The following CYP7B1 variants were observed in gnomAD, a reference collection of about 807,000 sequenced individuals.
CYP7B1 encodes cytochrome P450 7B1.
A neutral mutation model predicts 42.7 loss-of-function variants in CYP7B1; 29 were observed. That is an observed-to-expected ratio of 0.68 (90% CI 0.51 to 0.93). The LOEUF is 0.93. Ranked by LOEUF, CYP7B1 falls within the 40% of genes least tolerant of loss-of-function variation. The probability of loss-of-function intolerance (pLI) is 0.00; values close to 1 mark genes in which losing one functional copy is unlikely to be tolerated. For missense variants in CYP7B1, 655 were observed against 600.5 expected (o/e 1.09, Z -0.95); for synonymous variants, 235 against 218.2 (o/e 1.08, Z -0.68).
intron 1 of CYP7B1, among the ~76,000 whole-genome samples, chr8:64,772,667 T>C (rs1199312839): frequency 6.6e-6 from 1 of 152,202 alleles, no homozygotes; most frequent in African/African-American, 2.4e-5. Context: ...GTGTCTGGCT[T>C]CTACCCTGTC....
At chr8:64,795,970 T>C (rs566655505) in intron 1 of CYP7B1, among the ~76,000 whole-genome samples, 1 of 152,228 alleles carries the variant, frequency 6.6e-6, no homozygotes, top group Non-Finnish European at 1.5e-5. Context: ...TTGTTAAAAA[T>C]TTTTTTACCA....
At chr8:64,743,102 C>T (rs1807593370) in intron 1 of CYP7B1, among the ~76,000 whole-genome samples, 1 of 152,028 alleles carries the variant, frequency 6.6e-6, no homozygotes, top group African/African-American at 2.4e-5. Flanking sequence ...ATTTTGCCTT[C>T]CTAAGATCAG....
At chr8:64,683,594 G>T (rs1806572933) in intron 1 of CYP7B1, among the ~76,000 whole-genome samples, 1 of 152,100 alleles carries the variant, frequency 6.6e-6, no homozygotes, top group African/African-American at 2.4e-5. Context: ...GAGTGTAATT[G>T]GATTGCTTGT....
chr8:64,739,407 A>G (rs900458644), intron 1 of CYP7B1, among the ~76,000 whole-genome samples: 1 of 152,220 alleles, frequency 6.6e-6, no homozygotes, highest in Non-Finnish European at 1.5e-5. Context: ...ACAAAAGTGG[A>G]GACAAAAACG....
At chr8:64,613,876 G>C (rs970553462) in intron 4 of CYP7B1, among the ~76,000 whole-genome samples, 1 of 152,130 alleles carries the variant, frequency 6.6e-6, no homozygotes, top group African/African-American at 2.4e-5. Context: ...TGGCCACTGA[G>C]GGTGAACATT....
chr8:64,608,522 T>C (rs187222052), intron 4 of CYP7B1, among the ~76,000 whole-genome samples: 1 of 152,130 alleles, frequency 6.6e-6, no homozygotes, highest in African/African-American at 2.4e-5. Flanking sequence ...ATAGCAGCAA[T>C]GGATAGAGTG....
At chr8:64,633,674 A>G (rs899962876) in intron 1 of CYP7B1, among the ~76,000 whole-genome samples, 1 of 152,196 alleles carries the variant, frequency 6.6e-6, no homozygotes, top group Non-Finnish European at 1.5e-5. Context: ...GGAAGAGTCA[A>G]TATTGTCAAG....
In CYP7B1 at chr8:64,759,283, G is replaced by C. The variant is rs868263215; in HGVS notation, c.122+39183C>G. On this transcript the variant is annotated intron_variant, in intron 1 of 5. Coordinates refer to ENST00000310193, the MANE Select transcript of CYP7B1 (RefSeq NM_004820.5). ...CAGGACAAAATGCAAGAGGTCATCA[G>C]TCTGCTAATTTCTGAGTTAATAAAT... Among the ~76,000 whole-genome samples the C allele has an allele frequency of 8.5e-5, 13 of 152,316 alleles. No homozygotes were observed. In the Middle Eastern group the frequency reaches 0.014, roughly 159 times the overall value.
chr8:64,591,800 G>C lies in CYP7B1; in HGVS notation c.*4842C>G, dbSNP rs1805038890. Among the ~76,000 whole-genome samples, 2 of 152,252 alleles carry C rather than the reference G, an allele frequency of 1.3e-5. No individual in the cohort carries two copies. Among genetic ancestry groups the C allele is most frequent in the Admixed American group, 1.3e-4 (2 of 15,280 alleles). On this transcript the variant is annotated 3_prime_UTR_variant, in exon 6 of 6. Transcript: ENST00000310193. ...CCACTTCAGGGCTTTAGTTTCTGCT[G>C]AGTGTTTCATTACGTTGGTCATTGA...
chr8:64,593,599 A>G lies in CYP7B1; in HGVS notation c.*3043T>C, dbSNP rs942650926. On this transcript the variant is annotated 3_prime_UTR_variant, in exon 6 of 6. Coordinates refer to ENST00000310193, the MANE Select transcript of CYP7B1 (RefSeq NM_004820.5). ...TTGGTAGTAGTATCAGCAGTCTGAAAAATGCAAATACAAATTCTCTCTTGA... is the reference window on the plus strand; with the variant it reads ...TTGGTAGTAGTATCAGCAGTCTGAAGAATGCAAATACAAATTCTCTCTTGA... 1.3e-5 allele frequency among the ~76,000 whole-genome samples: 2 copies of G among 152,160 alleles called. No homozygotes were observed. Among genetic ancestry groups the G allele is most frequent in the Non-Finnish European group, 2.9e-5 (2 of 68,040 alleles).
intron 1 of CYP7B1, among the ~76,000 whole-genome samples, chr8:64,705,136 T>C (rs957663894): frequency 6.6e-6 from 1 of 151,846 alleles, no homozygotes; most frequent in Non-Finnish European, 1.5e-5. Context: ...CGGGGCCAAG[T>C]GTATCAGGTG....
intron 1 of CYP7B1, among the ~76,000 whole-genome samples, chr8:64,776,764 A>G (rs967150944): frequency 6.6e-6 from 1 of 152,034 alleles, no homozygotes; most frequent in Non-Finnish European, 1.5e-5. Flanking sequence ...CCCTTCCTCT[A>G]AAGGAGGTCA....
chr8:64,632,937 G>A (rs566670574), intron 1 of CYP7B1, among the ~76,000 whole-genome samples: 1 of 152,080 alleles, frequency 6.6e-6, no homozygotes, highest in Non-Finnish European at 1.5e-5. Context: ...GAAAGGAAGG[G>A]GGGCGGGGAG....
intron 1 of CYP7B1, among the ~76,000 whole-genome samples, chr8:64,649,251 CTTCTGT>C (rs1211061531): frequency 6.6e-6 from 1 of 152,108 alleles, no homozygotes; most frequent in Non-Finnish European, 1.5e-5. Flanking sequence ...ACCTTTTTAC[CTTCTGT>C]TTCTATCATA....
intron 1 of CYP7B1, among the ~76,000 whole-genome samples, chr8:64,784,570 A>G (rs907877746): frequency 6.6e-6 from 1 of 152,198 alleles, no homozygotes; most frequent in Non-Finnish European, 1.5e-5. Flanking sequence ...ACTGGCACAT[A>G]CTTAATGTAT....
intron 1 of CYP7B1, among the ~76,000 whole-genome samples, chr8:64,760,600 T>C (rs1292553049): frequency 3.9e-5 from 6 of 151,940 alleles, no homozygotes; most frequent in African/African-American, 1.4e-4. Context: ...CATGAAAAGG[T>C]GGTTGACATC....
intron 1 of CYP7B1, among the ~76,000 whole-genome samples, chr8:64,676,309 G>T (rs1196468736): frequency 1.2e-4 from 19 of 152,050 alleles, no homozygotes; most frequent in Admixed American, 1.1e-3. Flanking sequence ...CTGATGACTA[G>T]ATAAAACAAT....
At chr8:64,745,408 A>G (rs1204416125) in intron 1 of CYP7B1, among the ~76,000 whole-genome samples, 1 of 152,174 alleles carries the variant, frequency 6.6e-6, no homozygotes, top group East Asian at 1.9e-4. Context: ...GCTAACCAGG[A>G]CTCAACATTT....
chr8:64,698,184 G>T (rs1806859284), intron 1 of CYP7B1, among the ~76,000 whole-genome samples: 1 of 152,188 alleles, frequency 6.6e-6, no homozygotes, highest in Non-Finnish European at 1.5e-5. Context: ...GAGAGGTTGA[G>T]AAAGAATCCA....
Sources: gnomAD v4.1 joint callset for allele counts (sites outside exome capture counted in the v4.1 genomes callset) on GRCh38, gnomAD v4.1.1 for gene constraint, MANE v1.5 for transcripts, NCBI Gene and HGNC (gene_info 2026-07-23, HGNC 2026-07-21) for gene names.